The following RAB5B variants were observed in gnomAD, a reference collection of about 807,000 sequenced individuals.
RAB5B encodes the protein RAB5B, member RAS oncogene family.
Under a neutral mutation model 28.6 loss-of-function variants are expected in RAB5B, and 11 were observed. The observed-to-expected ratio is 0.38, with a 90% CI of 0.24 to 0.64. RAB5B has a LOEUF of 0.64. RAB5B is among the 30% of genes least tolerant of loss of function. The probability of loss-of-function intolerance (pLI) is 0.53; values close to 1 mark genes in which losing one functional copy is unlikely to be tolerated. For synonymous variants in RAB5B, 93 were observed against 97.9 expected (o/e 0.95, Z 0.29); for missense variants, 169 against 265.6 (o/e 0.64, Z 2.53).
chr12:55,996,003 A>ATATATATATATATATTTTTTTTT lies in RAB5B; in HGVS notation c.*3792_*3793insATATATATATATATTTTTTTTTT. On this transcript the variant is annotated 3_prime_UTR_variant, in exon 6 of 6. Coordinates refer to ENST00000360299, the MANE Select transcript of RAB5B (RefSeq NM_002868.4). Reference sequence around the variant, plus strand: ...TATATACATATATATATATATATATATTTTTTTTTTAACAACTGGTAGGAT... The same window carrying ATATATATATATATATTTTTTTTT: ...TATATACATATATATATATATATATATATATATATATATATTTTTTTTTTTTTTTTTTTAACAACTGGTAGGAT... The ATATATATATATATATTTTTTTTT allele has an allele frequency of 1.0e-5, 1 of 97,434 alleles. No individual in the cohort carries two copies. The allele number at this position is 97,434 out of a possible 1,614,324, so 6.0% of individuals were successfully genotyped here. A position where few individuals can be genotyped will look rare whatever the true frequency, so the allele number is the denominator to read the frequency against.
chr12:55,991,388 G>C lies in RAB5B; in HGVS notation c.467G>C (p.Ser156Thr). 1 of 1,614,076 alleles carries C rather than the reference G, an allele frequency of 6.2e-7. No individual in the cohort carries two copies. Among genetic ancestry groups the C allele is most frequent in the Non-Finnish European group, 8.5e-7 (1 of 1,179,950 alleles). ...GCCCAGGCATATGCAGATGACAACA[G>C]CTTATTGTTCATGGAGACTTCAGCC... ...EEAQAYADDN[S>T]LLFMETSAKT... is the part of the protein sequence containing the mutation. The change falls in exon 5 of 6, where the codon AGC becomes ACC. Residue 156 changes from serine (S) to threonine (T), a missense_variant. Around this residue, in one of 3 missense-constraint regions of RAB5B, gnomAD observed 123 missense variants for 162.4 expected, o/e 0.76. Coordinates refer to ENST00000360299, the MANE Select transcript of RAB5B (RefSeq NM_002868.4).
At chr12:55,983,627 T>C (rs1889868377) in intron 1 of RAB5B, among the ~76,000 whole-genome samples, 1 of 151,504 alleles carries the variant, frequency 6.6e-6, no homozygotes, top group African/African-American at 2.4e-5. Flanking sequence ...TTTTGCTAAC[T>C]TCCTCTTTAC....
At chr12:55,984,892 T>A (rs1889911944) in intron 1 of RAB5B, among the ~76,000 whole-genome samples, 1 of 152,240 alleles carries the variant, frequency 6.6e-6, no homozygotes, top group Non-Finnish European at 1.5e-5. Flanking sequence ...GAGGATGGTA[T>A]TTTTTCCATT....
rs936974169 is a variant in RAB5B, at chr12:55,980,996, A to C, written c.-92-5873A>C. 6 of 1,614,118 alleles carry C rather than the reference A, an allele frequency of 3.7e-6. No individual in the cohort carries two copies. In the Middle Eastern group the frequency reaches 4.9e-4, roughly 133 times the overall value. On this transcript the variant is annotated intron_variant, in intron 1 of 5. Coordinates refer to ENST00000360299, the MANE Select transcript of RAB5B (RefSeq NM_002868.4). Reference sequence around the variant, plus strand: ...CTTGCCCACCCCCGAGTCCCCGATCAGCAGCAACTTGAAGAGGTGGTCGTA... The same window carrying C: ...CTTGCCCACCCCCGAGTCCCCGATCCGCAGCAACTTGAAGAGGTGGTCGTA...
intron 4 of RAB5B, chr12:55,991,128 CCT>C: frequency 1.8e-6 from 1 of 547,718 alleles, no homozygotes; most frequent in South Asian, 2.3e-5. Flanking sequence ...ACTAACTTAC[CCT>C]CTCCCCTATA....
In RAB5B at chr12:55,992,714, A is replaced by G. The variant is rs939769348; in HGVS notation, c.*502A>G. ...CATTAAGGGCCCTGGGGGAGAATAAAGCTCAGAGCAGGAGGGAGTAAGGAA... is the reference window on the plus strand; with the variant it reads ...CATTAAGGGCCCTGGGGGAGAATAAGGCTCAGAGCAGGAGGGAGTAAGGAA... On this transcript the variant is annotated 3_prime_UTR_variant, in exon 6 of 6. Transcript: ENST00000360299. 1.1e-5 allele frequency: 4 copies of G among 358,136 alleles called. No individual in the cohort carries two copies. Among genetic ancestry groups the G allele is most frequent in the African/African-American group, 2.2e-5 (1 of 44,802 alleles). 22.2% of individuals were successfully genotyped at this position (358,136 alleles called of 1,614,324 possible). A position where few individuals can be genotyped will look rare whatever the true frequency, so the allele number is the denominator to read the frequency against.
At chr12:55,988,323 CTG>C (rs1411540238) in intron 2 of RAB5B, among the ~76,000 whole-genome samples, 2 of 152,028 alleles carry the variant, frequency 1.3e-5, no homozygotes, top group African/African-American at 4.8e-5. Context: ...AGGAGCGAGA[CTG>C]TTTCAAAAAC....
At position 55,981,445 on chromosome 12, in the gene RAB5B, G is replaced by C. The variant is rs1168498655; in HGVS notation, c.-92-5424G>C. 2.0e-5 allele frequency among the ~76,000 whole-genome samples: 3 copies of C among 152,118 alleles called. No individual in the cohort carries two copies. The South Asian group carries it at 6.2e-4, about 32-fold the overall frequency. On this transcript the variant is annotated intron_variant, in intron 1 of 5. Coordinates refer to ENST00000360299, the MANE Select transcript of RAB5B (RefSeq NM_002868.4). ...ACTAAATGACCTCTAGACTGGCTCTGATCTGCCTGACTGACCTTAAGGCTG... is the reference window on the plus strand; with the variant it reads ...ACTAAATGACCTCTAGACTGGCTCTCATCTGCCTGACTGACCTTAAGGCTG...
rs570892161 is a variant in RAB5B at position 55,988,571 on chromosome 12, T to G, written c.164-1376T>G. On this transcript the variant is annotated intron_variant, in intron 2 of 5. Transcript: ENST00000360299. ...CAGACTGGAGTGCAGTGGTGCAATC[T>G]TGGCTCATTGCAACTTCTGCCTCCC... Among the ~76,000 whole-genome samples the G allele has an allele frequency of 2.9e-4, 44 of 151,962 alleles. No homozygotes were observed. The South Asian group carries it at 9.2e-3, about 32-fold the overall frequency.
intron 1 of RAB5B, among the ~76,000 whole-genome samples, chr12:55,984,680 A>T (rs375579835): frequency 6.6e-6 from 1 of 152,032 alleles, no homozygotes; most frequent in Non-Finnish European, 1.5e-5. Flanking sequence ...GGGTTTCACC[A>T]TGTTGGCCAG....
At chr12:55,981,290 C>G (rs1465985076) in intron 1 of RAB5B, among the ~76,000 whole-genome samples, 1 of 152,122 alleles carries the variant, frequency 6.6e-6, no homozygotes, top group African/African-American at 2.4e-5. Context: ...TCTCAAACTC[C>G]TGACCTCAGG....
chr12:55,982,177 G>A (rs1164600063), intron 1 of RAB5B, among the ~76,000 whole-genome samples: 3 of 149,370 alleles, frequency 2.0e-5, no homozygotes, highest in Non-Finnish European at 4.4e-5. Flanking sequence ...AGAGAAACCT[G>A]CCCCATCTCC....
intron 2 of RAB5B, among the ~76,000 whole-genome samples, chr12:55,988,935 C>CTTTTTTT (rs35994383): frequency 2.4e-4 from 23 of 94,668 alleles, no homozygotes; most frequent in Non-Finnish European, 3.7e-4. Context: ...CTAATTAATT[C>CTTTTTTT]TTTTTTTTTT....
Position 55,982,036 on chromosome 12 carries a change from A to G in RAB5B, c.-92-4833A>G, listed in dbSNP as rs535082359. ...AGACTGGTGTTGAATTCCTGACCTT[A>G]GGTGATCCGCCCACCTCAGCCTCCC... is the stretch of plus-strand genomic sequence containing the variant. On this transcript the variant is annotated intron_variant, in intron 1 of 5. Transcript: ENST00000360299. Among the ~76,000 whole-genome samples the G allele has an allele frequency of 7.9e-5, 12 of 152,116 alleles. No individual in the cohort carries two copies. The East Asian group carries it at 2.3e-3, about 29-fold the overall frequency.
At chr12:55,984,212 T>C (rs1219782427) in intron 1 of RAB5B, among the ~76,000 whole-genome samples, 1 of 149,076 alleles carries the variant, frequency 6.7e-6, no homozygotes, top group East Asian at 2.0e-4. Flanking sequence ...TTAGACTGAG[T>C]CTCGCTGTTG....
At chr12:55,974,776 T>C (rs1889599556) in intron 1 of RAB5B, among the ~76,000 whole-genome samples, 1 of 152,142 alleles carries the variant, frequency 6.6e-6, no homozygotes, top group Non-Finnish European at 1.5e-5. Flanking sequence ...CAGGGCCTGG[T>C]ATCAGTTATG....
intron 1 of RAB5B, chr12:55,985,823 G>A (rs904306193): frequency 4.6e-6 from 2 of 435,434 alleles, no homozygotes; most frequent in African/African-American, 4.1e-5. Flanking sequence ...ACAGCTGCAA[G>A]TTGAGAGTAG....
chr12:55,989,927 C>T lies in RAB5B; in HGVS notation c.164-20C>T. 6.2e-7 allele frequency: 1 copy of T among 1,604,610 alleles called. No individual in the cohort carries two copies. The highest frequency in any genetic ancestry group is 1.1e-5 in the South Asian group (1 of 90,910). Reference sequence around the variant, plus strand: ...ATCCTCCCACTTACAGCATCTTCCCCTCCATTCTCTCATCCATAGCGGCCT... The same window carrying T: ...ATCCTCCCACTTACAGCATCTTCCCTTCCATTCTCTCATCCATAGCGGCCT... On this transcript the variant is annotated intron_variant, in intron 2 of 5. Transcript: ENST00000360299.
intron 1 of RAB5B, chr12:55,985,709 G>A (rs1889934207): frequency 2.2e-6 from 1 of 455,868 alleles, no homozygotes; most frequent in African/African-American, 2.0e-5. Flanking sequence ...GGAGACTTCT[G>A]CATGTCTTTA....
Sources: allele counts gnomAD v4.1 joint callset (sites outside exome capture counted in the v4.1 genomes callset), GRCh38; gene constraint gnomAD v4.1.1; regional missense constraint gnomAD v4.1.1; transcripts MANE v1.5; gene names NCBI Gene and HGNC (gene_info 2026-07-23, HGNC 2026-07-21).